Variants in ALKBH5 observed in about 807,000 individuals in gnomAD.
ALKBH5 encodes RNA demethylase ALKBH5.
In ALKBH5, 2 loss-of-function variants were observed where a neutral mutation model predicts 32.1. The observed-to-expected ratio is 0.06, with a 90% CI of 0.03 to 0.20. The LOEUF (loss-of-function observed/expected upper bound fraction) is 0.20, where lower values mean the gene tolerates loss of function less well. ALKBH5 is among the 10% of genes least tolerant of loss of function. The probability of loss-of-function intolerance (pLI) is 1.00; values close to 1 mark genes in which losing one functional copy is unlikely to be tolerated. For missense variants in ALKBH5, 352 were observed against 559.5 expected (o/e 0.63, Z 3.74); for synonymous variants, 300 against 231.7 (o/e 1.29, Z -2.68).
At chr17:18,206,781 C>A in intron 2 of ALKBH5, 34 bp from the exon 3 acceptor site, 1 of 1,607,516 alleles carries the variant, frequency 6.2e-7, no homozygotes, top group Non-Finnish European at 8.5e-7. Context: ...TCACCGGAGG[C>A]CCTTTGGTGA....
intron 1 of ALKBH5, among the ~76,000 whole-genome samples, chr17:18,194,148 CGGGG>C (rs1394146621): frequency 1.3e-5 from 1 of 74,916 alleles, no homozygotes. Context: ...TTTTTTTGGG[CGGGG>C]GGCAGGGGGT....
At chr17:18,203,758 C>A (rs1014186329) in intron 2 of ALKBH5, among the ~76,000 whole-genome samples, 1 of 152,232 alleles carries the variant, frequency 6.6e-6, no homozygotes, top group Non-Finnish European at 1.5e-5. Flanking sequence ...CAAGCTCTAG[C>A]CTGGCATCCT....
At chr17:18,196,401 G>T (rs1028655453) in intron 2 of ALKBH5, among the ~76,000 whole-genome samples, 1 of 151,904 alleles carries the variant, frequency 6.6e-6, no homozygotes, top group Non-Finnish European at 1.5e-5. Context: ...TTATTTTTTC[G>T]TACAGATGGG....
intron 2 of ALKBH5, among the ~76,000 whole-genome samples, chr17:18,201,777 A>AG (rs200468909): frequency 2.3e-4 from 29 of 124,534 alleles, no homozygotes; most frequent in East Asian, 1.3e-3. Flanking sequence ...ATAGATAGAT[A>AG]GATAGATAGG....
At chr17:18,185,250 G>T (rs1426187080) in intron 1 of ALKBH5, among the ~76,000 whole-genome samples, 5 of 152,102 alleles carry the variant, frequency 3.3e-5, no homozygotes, top group Admixed American at 3.3e-4. Context: ...TCACTGACTT[G>T]GCTGAGAATT....
chr17:18,198,186 C>T (rs79456347), intron 2 of ALKBH5, among the ~76,000 whole-genome samples: 2 of 152,304 alleles, frequency 1.3e-5, no homozygotes, highest in East Asian at 3.9e-4. Context: ...TTTAGCATCA[C>T]CTAAAGCCCT....
rs372474496 is a variant in ALKBH5 at position 18,184,751 on chromosome 17, C to G, written c.508C>G (p.Gln170Glu). ...GGACGAGATCCCCGAGTGGGTGCAC[C>G]AGCTGGTGATCCAAAAGCTGGTGGA... ...DVDEIPEWVH[Q>E]LVIQKLVEHR... Residue 170 changes from glutamine to glutamate, a missense_variant, in exon 1 of 4, where the codon CAG (glutamine) becomes GAG (glutamate). By Grantham distance (29) the Gln-to-Glu change is conservative. Around this residue, in one of 4 missense-constraint regions of ALKBH5, gnomAD observed 56 missense variants for 238.1 expected, o/e 0.24. Coordinates refer to ENST00000399138, the MANE Select transcript of ALKBH5 (RefSeq NM_017758.4). 6.2e-7 allele frequency: 1 copy of G among 1,613,582 alleles called. No homozygotes were observed. The highest frequency in any genetic ancestry group is 1.3e-5 in the African/African-American group (1 of 74,926).
chr17:18,207,556 G>A (rs757350609), intron 3 of ALKBH5, among the ~76,000 whole-genome samples: 25 of 152,010 alleles, frequency 1.6e-4, no homozygotes, highest in Admixed American at 5.9e-4. Context: ...CCAGCTCCTC[G>A]GGAGGCTGAG....
intron 2 of ALKBH5, among the ~76,000 whole-genome samples, chr17:18,200,855 G>C (rs530264189): frequency 6.6e-6 from 1 of 152,334 alleles, no homozygotes; most frequent in South Asian, 2.1e-4. Flanking sequence ...TGGAGGACTT[G>C]ATACACCGGC....
At position 18,184,485 on chromosome 17, in the gene ALKBH5, A is replaced by C. The variant is rs769914553; in HGVS notation, c.242A>C (p.Glu81Ala). The C allele has an allele frequency of 1.5e-5, 24 of 1,612,748 alleles. No individual in the cohort carries two copies. The highest frequency in any genetic ancestry group is 6.7e-5 in the East Asian group (3 of 44,888). ...YEEQQLQKEE[E>A]ARKVKSGIRQ... ...GAGCAGCAGCTGCAGAAGGAGGAGG[A>C]GGCGCGCAAGGTGAAGAGCGGCATC... Residue 81 changes from glutamate to alanine, a missense_variant, in exon 1 of 4, where the codon GAG (glutamate) becomes GCG (alanine). Physicochemically the swap from Glu to Ala is moderately radical, Grantham distance 107. Around this residue, in one of 4 missense-constraint regions of ALKBH5, gnomAD observed 144 missense variants for 125.8 expected, o/e 1.14. Coordinates refer to ENST00000399138, the MANE Select transcript of ALKBH5 (RefSeq NM_017758.4).
At chr17:18,205,702 T>C (rs1175614622) in intron 2 of ALKBH5, among the ~76,000 whole-genome samples, 1 of 152,084 alleles carries the variant, frequency 6.6e-6, no homozygotes, top group African/African-American at 2.4e-5. Context: ...CCATGGGGAA[T>C]GGGGGAAACT....
intron 1 of ALKBH5, among the ~76,000 whole-genome samples, chr17:18,187,472 G>C (rs1159356929): frequency 6.6e-6 from 1 of 152,170 alleles, no homozygotes; most frequent in Non-Finnish European, 1.5e-5. Context: ...GTGCATTGTA[G>C]ACTGTTCAGC....
chr17:18,184,500 A>G lies in ALKBH5; in HGVS notation c.257A>G (p.Lys86Arg). The change falls in exon 1 of 4, where the codon AAG (lysine) becomes AGG (arginine). Residue 86 changes from lysine to arginine, a missense_variant. By Grantham distance (26) the Lys-to-Arg change is conservative (BLOSUM62 2). This residue lies in a region of ALKBH5 where 144 missense variants were observed against 125.8 expected (regional missense o/e 1.14). Coordinates refer to ENST00000399138, the MANE Select transcript of ALKBH5 (RefSeq NM_017758.4). ...AAGGAGGAGGAGGCGCGCAAGGTGA[A>G]GAGCGGCATCCGCCAGATGCGCCTC... ...LQKEEEARKV[K>R]SGIRQMRLFS... 1 of 1,613,040 alleles carries G rather than the reference A, an allele frequency of 6.2e-7. No homozygotes were observed. The highest frequency in any genetic ancestry group is 8.5e-7 in the Non-Finnish European group (1 of 1,179,882).
At position 18,183,963 on chromosome 17, in the gene ALKBH5, C is replaced by G. The variant is rs753265621; in HGVS notation, c.-281C>G. ...AGTCGGGCCGCGTCTCCGCAGCAGC[C>G]CTCCGCGGCATGAGGCGCTGCCGGC... On this transcript the variant is annotated 5_prime_UTR_variant, in exon 1 of 4. Transcript: ENST00000399138. The G allele has an allele frequency of 1.6e-6, 1 of 620,770 alleles. No homozygotes were observed. Among genetic ancestry groups the G allele is most frequent in the Admixed American group, 2.1e-5 (1 of 46,718 alleles). 38.5% of individuals were successfully genotyped at this position (620,770 alleles called of 1,614,324 possible).
In ALKBH5 at chr17:18,184,356, TAGCCGCCGCAGCCGC is replaced by T. The variant is rs1555550099; in HGVS notation, c.123_137del (p.Ala44_Ala48del). 43 of 1,517,916 alleles carry T rather than the reference TAGCCGCCGCAGCCGC, an allele frequency of 2.8e-5. No homozygotes were observed. The highest frequency in any genetic ancestry group is 3.7e-5 in the South Asian group (3 of 80,514). The allele number at this position is 1,517,916 out of a possible 1,614,324, so 94.0% of individuals were successfully genotyped here. ...GCCGCCGCCGCTGCCGCAGCCGCCG[TAGCCGCCGCAGCCGC>T]AGCCGCCGCTGCCGCCGAACCTTAC... On this transcript the variant is annotated inframe_deletion, in exon 1 of 4. Coordinates refer to ENST00000399138, the MANE Select transcript of ALKBH5 (RefSeq NM_017758.4).
intron 1 of ALKBH5, among the ~76,000 whole-genome samples, chr17:18,192,292 A>G (rs995877391): frequency 6.6e-5 from 10 of 152,180 alleles, no homozygotes; most frequent in South Asian, 2.1e-4. Context: ...AATTCTCGCA[A>G]TACCCCTGCA....
At chr17:18,185,391 T>TA (rs1390336280) in intron 1 of ALKBH5, among the ~76,000 whole-genome samples, 3 of 112,522 alleles carry the variant, frequency 2.7e-5, no homozygotes, top group Non-Finnish European at 4.2e-5. Context: ...ATCTATGCTT[T>TA]AAAATTTTTT....
At chr17:18,191,085 G>A (rs1361866064) in intron 1 of ALKBH5, among the ~76,000 whole-genome samples, 1 of 152,224 alleles carries the variant, frequency 6.6e-6, no homozygotes, top group African/African-American at 2.4e-5. Context: ...AGTAGGGCTG[G>A]ACCCAAGGGC....
intron 1 of ALKBH5, among the ~76,000 whole-genome samples, chr17:18,193,372 C>G (rs887163554): frequency 2.0e-5 from 3 of 151,688 alleles, no homozygotes; most frequent in Non-Finnish European, 4.4e-5. Context: ...ATAGTGAAAC[C>G]CCATCTCTAC....
Sources: gnomAD v4.1 joint callset for allele counts (sites outside exome capture counted in the v4.1 genomes callset) on GRCh38, gnomAD v4.1.1 for gene constraint, gnomAD v4.1.1 regional missense constraint, MANE v1.5 for transcripts, NCBI Gene and HGNC (gene_info 2026-07-23, HGNC 2026-07-21) for gene names.